Variants in ZFR observed in about 807,000 individuals in gnomAD.
ZFR encodes zinc finger RNA binding protein.
ZFR carries 19 observed loss-of-function variants against 130.7 expected under a neutral mutation model. The observed-to-expected ratio is 0.15, with a 90% CI of 0.10 to 0.21. ZFR has a LOEUF of 0.21. ZFR is among the 10% of genes least tolerant of loss of function. ZFR has a pLI of 1.00. For missense variants in ZFR, 872 were observed against 1,321.5 expected (o/e 0.66, Z 5.27); for synonymous variants, 466 against 456.9 (o/e 1.02, Z -0.25).
chr5:32,379,271 T>C (rs780569594), intron 16 of ZFR, 61 bp from the exon 17 acceptor site: 3 of 1,440,978 alleles, frequency 2.1e-6, no homozygotes, highest in Non-Finnish European at 2.0e-6. Context: ...TATCCCTTGA[T>C]GAAAAAAAGT....
intron 2 of ZFR, among the ~76,000 whole-genome samples, chr5:32,435,784 T>C (rs1754318732): frequency 6.6e-6 from 1 of 152,192 alleles, no homozygotes. Context: ...AAAAATTTAT[T>C]TTCATTTGAT....
chr5:32,385,767 T>C, intron 14 of ZFR, 118 bp from the exon 15 acceptor site: 1 of 1,020,432 alleles, frequency 9.8e-7, no homozygotes, highest in Non-Finnish European at 1.4e-6. Flanking sequence ...AGGACCAGAT[T>C]ATATACTGCT....
intron 2 of ZFR, among the ~76,000 whole-genome samples, chr5:32,424,512 G>GA (rs1268453419): frequency 2.1e-5 from 3 of 139,932 alleles, no homozygotes; most frequent in Admixed American, 7.6e-5. Flanking sequence ...TCACCTGGGT[G>GA]AAAGAGCGAG....
chr5:32,382,806 G>C (rs921824537), intron 15 of ZFR, among the ~76,000 whole-genome samples: 23 of 152,152 alleles, frequency 1.5e-4, no homozygotes, highest in African/African-American at 4.3e-4. Context: ...ACAAATTACA[G>C]CTATAAGTAG....
chr5:32,440,797 T>TA (rs1424633902), intron 2 of ZFR, among the ~76,000 whole-genome samples: 1 of 152,222 alleles, frequency 6.6e-6, no homozygotes, highest in Non-Finnish European at 1.5e-5. Context: ...ATCTACAAGT[T>TA]ACTAGTAGCC....
chr5:32,411,246 A>G (rs1472404502), intron 5 of ZFR, among the ~76,000 whole-genome samples: 2 of 152,226 alleles, frequency 1.3e-5, no homozygotes, highest in African/African-American at 2.4e-5. Context: ...AATATGTCAA[A>G]AAGACTCAGG....
chr5:32,428,510 G>C (rs1284798167), intron 2 of ZFR, among the ~76,000 whole-genome samples: 3 of 152,224 alleles, frequency 2.0e-5, no homozygotes, highest in Non-Finnish European at 4.4e-5. Context: ...GGAGGAGTTC[G>C]AGACTTCAGT....
intron 5 of ZFR, among the ~76,000 whole-genome samples, chr5:32,413,489 T>G (rs2111804031): frequency 6.6e-6 from 1 of 152,002 alleles, no homozygotes; most frequent in Admixed American, 6.6e-5. Context: ...ACTTTTTTTC[T>G]CTTTCTAAAA....
At chr5:32,377,119 G>A (rs1237144054) in intron 17 of ZFR, among the ~76,000 whole-genome samples, 2 of 142,584 alleles carry the variant, frequency 1.4e-5, no homozygotes, top group African/African-American at 5.2e-5. Flanking sequence ...TCGTGCCACT[G>A]CACTCCAGCC....
intron 2 of ZFR, among the ~76,000 whole-genome samples, chr5:32,437,865 A>G (rs887498384): frequency 1.3e-5 from 2 of 152,138 alleles, no homozygotes; most frequent in Non-Finnish European, 2.9e-5. Context: ...ATATTTTGGT[A>G]TCTGATATTA....
At chr5:32,440,020 T>C (rs1424871187) in intron 2 of ZFR, among the ~76,000 whole-genome samples, 1 of 152,180 alleles carries the variant, frequency 6.6e-6, no homozygotes, top group Non-Finnish European at 1.5e-5. Context: ...ATGAAACTAT[T>C]AGGAAGTTTT....
chr5:32,429,045 GC>G (rs1754140953), intron 2 of ZFR, among the ~76,000 whole-genome samples: 1 of 139,262 alleles, frequency 7.2e-6, no homozygotes, highest in African/African-American at 2.7e-5. Context: ...GAGTGCAGTG[GC>G]GTGATCTCGG....
chr5:32,391,347 G>A (rs760027734), intron 11 of ZFR, among the ~76,000 whole-genome samples: 1 of 152,136 alleles, frequency 6.6e-6, no homozygotes, highest in Non-Finnish European at 1.5e-5. Flanking sequence ...TGGACAAGGA[G>A]GGACTACTGC....
At chr5:32,396,471 T>C (rs1288171597) in intron 10 of ZFR, among the ~76,000 whole-genome samples, 2 of 152,118 alleles carry the variant, frequency 1.3e-5, no homozygotes, top group Non-Finnish European at 1.5e-5. Context: ...CCAGGCACGG[T>C]GGCTCACGCA....
intron 2 of ZFR, among the ~76,000 whole-genome samples, chr5:32,425,741 G>T (rs917434366): frequency 1.3e-5 from 2 of 152,206 alleles, no homozygotes; most frequent in Non-Finnish European, 2.9e-5. Context: ...GGCCAGGCTG[G>T]TCTCAAACTC....
chr5:32,415,516 G>GTA (rs61598066), intron 4 of ZFR, among the ~76,000 whole-genome samples: 2 of 77,240 alleles, frequency 2.6e-5, no homozygotes, highest in South Asian at 6.8e-4. Context: ...GTGTGTGTGT[G>GTA]CGCGCGCGCG....
chr5:32,441,935 A>C (rs1754484284), intron 2 of ZFR, among the ~76,000 whole-genome samples: 1 of 135,790 alleles, frequency 7.4e-6, no homozygotes, highest in Non-Finnish European at 1.6e-5. Flanking sequence ...TACAGTTTAA[A>C]CTTTTCAGTT....
In ZFR at chr5:32,355,643, C is replaced by A. The variant is rs1020735610; in HGVS notation, c.*117G>T. On this transcript the variant is annotated 3_prime_UTR_variant, in exon 20 of 20. Transcript: ENST00000265069. ...TTTAATATCATAGAAAAACTTGGTT[C>A]TTCCATGAAATCCTTTAAATTCTTG... 34 of 991,494 alleles carry A rather than the reference C, an allele frequency of 3.4e-5. No homozygotes were observed. The highest frequency in any genetic ancestry group is 4.5e-5 in the Non-Finnish European group (32 of 709,200). 61.4% of individuals were successfully genotyped at this position (991,494 alleles called of 1,614,324 possible). A position where few individuals can be genotyped will look rare whatever the true frequency, so the allele number is the denominator to read the frequency against.
chr5:32,416,371 T>C (rs1173347198), intron 4 of ZFR, among the ~76,000 whole-genome samples: 1 of 151,930 alleles, frequency 6.6e-6, no homozygotes, highest in Non-Finnish European at 1.5e-5. Context: ...TCCCAGCACT[T>C]TGGGAGGCCG....
Sources: gnomAD v4.1 joint callset for allele counts (sites outside exome capture counted in the v4.1 genomes callset) on GRCh38, gnomAD v4.1.1 for gene constraint, MANE v1.5 for transcripts, NCBI Gene and HGNC (gene_info 2026-07-23, HGNC 2026-07-21) for gene names.